Variants in RIMS3 observed in about 807,000 individuals in gnomAD.
RIMS3 encodes the protein regulating synaptic membrane exocytosis 3, also known as regulating synaptic membrane exocytosis protein 3.
RIMS3 carries 15 observed loss-of-function variants against 29.2 expected under a neutral mutation model. That is an observed-to-expected ratio of 0.51 (90% CI 0.34 to 0.79). The LOEUF (loss-of-function observed/expected upper bound fraction) is 0.79. RIMS3 is among the 30% of genes least tolerant of loss of function. The pLI, the probability that RIMS3 is intolerant of heterozygous loss-of-function variation, is 0.01. For synonymous variants in RIMS3, 161 were observed against 170.1 expected (o/e 0.95, Z 0.41); for missense variants, 342 against 421.4 (o/e 0.81, Z 1.65).
chr1:40,657,266 T>C (rs1408674095), intron 1 of RIMS3, among the ~76,000 whole-genome samples: 1 of 152,152 alleles, frequency 6.6e-6, no homozygotes, highest in Non-Finnish European at 1.5e-5. Context: ...ATCCATCTGT[T>C]CCACAGTTGG....
chr1:40,671,185 A>G, the RIMS3 span, among the ~76,000 whole-genome samples: 9 of 152,130 alleles, frequency 5.9e-5, no homozygotes, highest in African/African-American at 2.2e-4. Flanking sequence ...GGTCCCTACA[A>G]CTGGTTGGGT....
chr1:40,675,102 A>G, the RIMS3 span, among the ~76,000 whole-genome samples: 1 of 152,016 alleles, frequency 6.6e-6, no homozygotes, highest in East Asian at 1.9e-4. Flanking sequence ...CTACGAAAGG[A>G]AAAAAAATTT....
chr1:40,668,792 A>C (rs901766715), upstream of RIMS3, among the ~76,000 whole-genome samples: 1 of 152,224 alleles, frequency 6.6e-6, no homozygotes, highest in Non-Finnish European at 1.5e-5. Flanking sequence ...ACAAATGACA[A>C]AACGGAGGGG....
At chr1:40,691,867 G>A in the RIMS3 span, 1 of 405,962 alleles carries the variant, frequency 2.5e-6, no homozygotes, top group South Asian at 1.7e-5. Flanking sequence ...CCTGAGCAGA[G>A]GTGTGTGAGT....
At chr1:40,665,226 C>T (rs1255842070) in intron 1 of RIMS3, among the ~76,000 whole-genome samples, 168 bp downstream of exon 1, 1 of 151,794 alleles carries the variant, frequency 6.6e-6, no homozygotes, top group African/African-American at 2.4e-5. Flanking sequence ...TTAGTCCCCT[C>T]CCCAGAGCCC....
At chr1:40,679,150 C>A in the RIMS3 span, among the ~76,000 whole-genome samples, 1 of 152,216 alleles carries the variant, frequency 6.6e-6, no homozygotes, top group Admixed American at 6.5e-5. Context: ...CCCCTCCATA[C>A]CACCAACACT....
chr1:40,622,421 C>T lies in RIMS3; in HGVS notation c.*4096G>A, dbSNP rs1197362657. On this transcript the variant is annotated 3_prime_UTR_variant, in exon 8 of 8. Coordinates refer to ENST00000372684, the MANE Select transcript of RIMS3 (RefSeq NM_014747.3). The stretch of plus-strand genomic sequence containing the variant: ...TGAGGGAGAAGGCGGGGGGATGTGT[C>T]CACATTTTCATCTCCTCCCTGACTA... The T allele has an allele frequency of 2.0e-5, 3 of 152,212 alleles. No individual in the cohort carries two copies. Among genetic ancestry groups the T allele is most frequent in the Non-Finnish European group, 4.4e-5 (3 of 68,066 alleles). 9.4% of individuals were successfully genotyped at this position (152,212 alleles called of 1,614,324 possible). A position where few individuals can be genotyped will look rare whatever the true frequency, so the allele number is the denominator to read the frequency against.
At chr1:40,677,993 G>A in the RIMS3 span, among the ~76,000 whole-genome samples, 2 of 152,206 alleles carry the variant, frequency 1.3e-5, no homozygotes, top group Non-Finnish European at 2.9e-5. Flanking sequence ...TGTTCCTTGG[G>A]TAATGGCAAG....
the RIMS3 span, among the ~76,000 whole-genome samples, chr1:40,689,807 T>G: frequency 6.6e-6 from 1 of 152,186 alleles, no homozygotes; most frequent in Non-Finnish European, 1.5e-5. Context: ...ATTAAAATAC[T>G]GAAATACTCT....
chr1:40,656,357 C>T (rs4660441), intron 1 of RIMS3, among the ~76,000 whole-genome samples: 54,045 of 152,106 alleles, frequency 0.36, 10,555 homozygotes, highest in African/African-American at 0.53. Flanking sequence ...TAGAAAATGA[C>T]AATAAAACAA....
upstream of RIMS3, among the ~76,000 whole-genome samples, chr1:40,668,552 G>A (rs1453576642): frequency 1.3e-5 from 2 of 151,120 alleles, no homozygotes; most frequent in African/African-American, 4.9e-5. Flanking sequence ...GTCTTTTGGG[G>A]AAATTACAAA....
intron 1 of RIMS3, among the ~76,000 whole-genome samples, chr1:40,658,549 A>G (rs1448267423): frequency 6.6e-6 from 1 of 152,226 alleles, no homozygotes; most frequent in East Asian, 1.9e-4. Flanking sequence ...AGTAGGCTAC[A>G]GATGACTGGA....
At chr1:40,677,269 T>G in the RIMS3 span, among the ~76,000 whole-genome samples, 1 of 151,094 alleles carries the variant, frequency 6.6e-6, no homozygotes, top group Non-Finnish European at 1.5e-5. Flanking sequence ...CCTCCCAGAG[T>G]GCTGGGATTA....
At position 40,622,561 on chromosome 1, in the gene RIMS3, G is replaced by C. The variant is rs761958432; in HGVS notation, c.*3956C>G. ...GAAGAGAAAGGTAGGAGGAGGCAGG[G>C]AAGCAGGGCTCTTCTTTTCCATCTC... On this transcript the variant is annotated 3_prime_UTR_variant, in exon 8 of 8. Coordinates refer to ENST00000372684, the MANE Select transcript of RIMS3 (RefSeq NM_014747.3). 1 of 152,410 alleles carries C rather than the reference G, an allele frequency of 6.6e-6. No homozygotes were observed. The highest frequency in any genetic ancestry group is 1.5e-5 in the Non-Finnish European group (1 of 68,082). 9.4% of individuals were successfully genotyped at this position (152,410 alleles called of 1,614,324 possible).
chr1:40,650,771 T>A (rs12729200), intron 1 of RIMS3, among the ~76,000 whole-genome samples: 4 of 133,744 alleles, frequency 3.0e-5, no homozygotes, highest in Non-Finnish European at 4.6e-5. Context: ...GAGGCTGAGG[T>A]GGGAGGATGG....
At chr1:40,687,461 G>A in the RIMS3 span, 1 of 151,922 alleles carries the variant, frequency 6.6e-6, no homozygotes, top group Admixed American at 6.6e-5. Flanking sequence ...AATTAGCCGG[G>A]CCTGGTGGCA....
the RIMS3 span, chr1:40,691,811 C>A: frequency 2.2e-6 from 1 of 445,432 alleles, no homozygotes; most frequent in East Asian, 7.8e-5. Flanking sequence ...CTCTGCATTG[C>A]CCGACTCCGT....
chr1:40,665,896 A>G (rs1437363448), upstream of RIMS3, among the ~76,000 whole-genome samples: 1 of 152,108 alleles, frequency 6.6e-6, no homozygotes, highest in Non-Finnish European at 1.5e-5. Flanking sequence ...CCGTGTCCCT[A>G]GGACTCTCTT....
At chr1:40,676,252 G>A in the RIMS3 span, among the ~76,000 whole-genome samples, 86 of 152,164 alleles carry the variant, frequency 5.7e-4, no homozygotes, top group African/African-American at 1.9e-3. Context: ...TCTGAGCCTC[G>A]GTCTGACTAG....
Sources: allele counts gnomAD v4.1 joint callset (sites outside exome capture counted in the v4.1 genomes callset), GRCh38; gene constraint gnomAD v4.1.1; transcripts MANE v1.5; gene names NCBI Gene and HGNC (gene_info 2026-07-23, HGNC 2026-07-21).